PTPRD: variants seen among roughly 807,000 people sequenced by gnomAD.
PTPRD encodes protein tyrosine phosphatase receptor type D, also known as receptor-type tyrosine-protein phosphatase delta.
A neutral mutation model predicts 214.5 loss-of-function variants in PTPRD; 34 were observed. That is an observed-to-expected ratio of 0.16 (90% CI 0.12 to 0.21). The LOEUF is 0.21. PTPRD is among the 10% of genes least tolerant of loss of function. PTPRD has a pLI of 1.00. For missense variants in PTPRD, 2,545 were observed against 2,398.7 expected (o/e 1.06, Z -1.27); for synonymous variants, 1,128 against 845.7 (o/e 1.33, Z -5.79).
intron 3 of PTPRD, among the ~76,000 whole-genome samples, chr9:10,070,176 G>T (rs1296884044): frequency 3.3e-4 from 50 of 152,092 alleles, no homozygotes; most frequent in Admixed American, 3.3e-3. Context: ...TTTTTATGTT[G>T]GCTTTTCTGG....
At chr9:10,040,133 A>G (rs1452271429) in intron 3 of PTPRD, among the ~76,000 whole-genome samples, 2 of 152,024 alleles carry the variant, frequency 1.3e-5, no homozygotes, top group African/African-American at 4.8e-5. Flanking sequence ...CTCTATCTAG[A>G]AAAATAAGCT....
chr9:10,494,702 T>C (rs833437), intron 2 of PTPRD, among the ~76,000 whole-genome samples: 146,666 of 150,472 alleles, frequency 0.97, 71,593 homozygotes, highest in Middle Eastern at 1. Context: ...TATTACGGTA[T>C]AAATGTAAGA....
intron 12 of PTPRD, among the ~76,000 whole-genome samples, chr9:8,646,744 C>G (rs958353840): frequency 3.9e-5 from 6 of 152,128 alleles, no homozygotes; most frequent in African/African-American, 7.2e-5. Flanking sequence ...TGTGTTTTCT[C>G]CCCTTTCACA....
At chr9:9,644,328 C>T (rs1359771440) in intron 7 of PTPRD, among the ~76,000 whole-genome samples, 1 of 152,092 alleles carries the variant, frequency 6.6e-6, no homozygotes, top group Non-Finnish European at 1.5e-5. Flanking sequence ...TTGTGGTTTT[C>T]TGGGCTTCTC....
intron 3 of PTPRD, among the ~76,000 whole-genome samples, chr9:10,136,562 A>ACC (rs1230410846): frequency 1.6e-4 from 22 of 140,252 alleles, no homozygotes; most frequent in East Asian, 4.3e-4. Flanking sequence ...ATAAAAATTA[A>ACC]AGATTTAAAC....
intron 7 of PTPRD, among the ~76,000 whole-genome samples, chr9:9,610,092 G>T (rs946265484): frequency 6.6e-6 from 1 of 152,020 alleles, no homozygotes; most frequent in Non-Finnish European, 1.5e-5. Context: ...TACTGACATA[G>T]AAATAAAGAT....
At chr9:8,956,809 A>G (rs1009992617) in intron 11 of PTPRD, among the ~76,000 whole-genome samples, 6 of 151,882 alleles carry the variant, frequency 4.0e-5, no homozygotes, top group Non-Finnish European at 7.4e-5. Flanking sequence ...ACCATCATCT[A>G]TCTCAGTGAA....
intron 10 of PTPRD, among the ~76,000 whole-genome samples, chr9:9,128,730 A>C (rs2099837977): frequency 6.6e-6 from 1 of 152,220 alleles, no homozygotes; most frequent in African/African-American, 2.4e-5. Flanking sequence ...ATAAAAGTGG[A>C]GTTTAGGTTT....
intron 35 of PTPRD, among the ~76,000 whole-genome samples, chr9:8,405,803 G>A (rs558876791): frequency 2.0e-5 from 3 of 151,824 alleles, no homozygotes; most frequent in African/African-American, 7.3e-5. Flanking sequence ...TTTTGATGCC[G>A]GGTATTTTTC....
rs62536886 is a variant in PTPRD at position 9,925,014 on chromosome 9, G to A, written c.-368+13493C>T. Reference sequence around the variant, plus strand: ...CTATAATTTCTAAATAGTCAATACCGAGTAGCAATACCTTTGACTTTAGCA... The same window carrying A: ...CTATAATTTCTAAATAGTCAATACCAAGTAGCAATACCTTTGACTTTAGCA... On this transcript the variant is annotated intron_variant, in intron 5 of 45. Transcript: ENST00000381196. 3.9e-5 allele frequency among the ~76,000 whole-genome samples: 6 copies of A among 152,098 alleles called. No homozygotes were observed. In the South Asian group the frequency reaches 6.2e-4, roughly 16 times the overall value.
At chr9:10,383,399 C>T (rs1451173408) in intron 2 of PTPRD, among the ~76,000 whole-genome samples, 1 of 151,808 alleles carries the variant, frequency 6.6e-6, no homozygotes, top group Non-Finnish European at 1.5e-5. Flanking sequence ...TCAGTTATGA[C>T]ACATTTCAAA....
chr9:8,873,134 G>C (rs1439817561), intron 11 of PTPRD, among the ~76,000 whole-genome samples: 2 of 152,198 alleles, frequency 1.3e-5, no homozygotes, highest in Non-Finnish European at 2.9e-5. Context: ...TCTCCACTGA[G>C]CTGTCGGCTC....
intron 7 of PTPRD, among the ~76,000 whole-genome samples, chr9:9,721,850 G>T (rs1386984773): frequency 2.6e-5 from 4 of 151,982 alleles, no homozygotes; most frequent in Admixed American, 2.6e-4. Flanking sequence ...TTGAAATGTG[G>T]AATGAACAGT....
chr9:10,336,928 G>T (rs1187885204), intron 3 of PTPRD, among the ~76,000 whole-genome samples: 7 of 151,626 alleles, frequency 4.6e-5, no homozygotes, highest in Middle Eastern at 3.4e-3. Flanking sequence ...GTGCAATGAA[G>T]AAATAAATAG....
At chr9:8,878,484 A>C (rs1276481644) in intron 11 of PTPRD, among the ~76,000 whole-genome samples, 1 of 152,036 alleles carries the variant, frequency 6.6e-6, no homozygotes, top group African/African-American at 2.4e-5. Flanking sequence ...TCTGTTGATT[A>C]TTATCAACAG....
chr9:9,089,390 T>C (rs756586938), intron 10 of PTPRD, among the ~76,000 whole-genome samples: 1 of 152,180 alleles, frequency 6.6e-6, no homozygotes, highest in Non-Finnish European at 1.5e-5. Context: ...AGTGCTCAAA[T>C]AATGAGTATG....
intron 2 of PTPRD, among the ~76,000 whole-genome samples, chr9:10,477,631 G>C (rs150908992): frequency 0.011 from 1,730 of 152,162 alleles, 32 homozygotes; most frequent in African/African-American, 0.039. Context: ...CCATTACTGG[G>C]TATATACCCA....
intron 7 of PTPRD, among the ~76,000 whole-genome samples, chr9:9,657,296 T>C (rs953058877): frequency 5.3e-5 from 8 of 152,100 alleles, no homozygotes; most frequent in Non-Finnish European, 1.0e-4. Flanking sequence ...GGTCATGTCC[T>C]TTGCAGGGAC....
chr9:9,304,027 A>C (rs1219054485), intron 9 of PTPRD, among the ~76,000 whole-genome samples: 1 of 152,036 alleles, frequency 6.6e-6, no homozygotes, highest in Non-Finnish European at 1.5e-5. Flanking sequence ...ACCCTTTCCA[A>C]CTCTTTTAGC....
Sources: gnomAD v4.1 joint callset for allele counts (sites outside exome capture counted in the v4.1 genomes callset) on GRCh38, gnomAD v4.1.1 for gene constraint, MANE v1.5 for transcripts, NCBI Gene and HGNC (gene_info 2026-07-23, HGNC 2026-07-21) for gene names.